The following OXR1 variants were observed in gnomAD, a reference collection of about 807,000 sequenced individuals.
OXR1 encodes oxidation resistance 1.
A neutral mutation model predicts 104.6 loss-of-function variants in OXR1; 41 were observed. The ratio of observed to expected loss-of-function variants is 0.39; its 90% confidence interval spans 0.31 to 0.51. The LOEUF is 0.51. Among genes scored for constraint, OXR1 ranks in the 20% least tolerant of loss-of-function variants. OXR1 has a pLI of 0.77. For missense variants in OXR1, 955 were observed against 1,031.9 expected, an observed-to-expected ratio of 0.93 and a Z score of 1.02; for synonymous variants, 348 against 348.4, an observed-to-expected ratio of 1.00 and a Z score of 0.01.
chr8:106,613,881 C>T (rs935405679), intron 3 of OXR1, among the ~76,000 whole-genome samples: 1 of 152,128 alleles, frequency 6.6e-6, no homozygotes, highest in Non-Finnish European at 1.5e-5. Flanking sequence ...GCAGCCATCC[C>T]CTGGAAAGCC....
In OXR1 at chr8:106,425,896, C is replaced by T. The variant is rs1049401931; in HGVS notation, c.23+66260C>T. On this transcript the variant is annotated intron_variant, in intron 2 of 16. Transcript: ENST00000517566. ...TTAGGAGGCTAGGGAAGGTTGTCTC[C>T]GATGAGAGAGGAAAGAGCAAGTGCA... 1.7e-4 allele frequency among the ~76,000 whole-genome samples: 26 copies of T among 152,074 alleles called. 1 individual carries two copies. Among genetic ancestry groups the T allele is most frequent in the African/African-American group, 4.8e-4 (20 of 41,476 alleles).
intron 3 of OXR1, among the ~76,000 whole-genome samples, chr8:106,635,114 G>A (rs989386587): frequency 6.6e-6 from 1 of 152,174 alleles, no homozygotes; most frequent in Non-Finnish European, 1.5e-5. Context: ...AGGAGATTTG[G>A]TCATTGACTT....
intron 1 of OXR1, among the ~76,000 whole-genome samples, chr8:106,331,250 T>C (rs1283996418): frequency 2.0e-5 from 3 of 152,208 alleles, no homozygotes; most frequent in African/African-American, 7.2e-5. Context: ...TGTATTCTAA[T>C]TGTCTAATAT....
intron 1 of OXR1, among the ~76,000 whole-genome samples, chr8:106,347,203 G>T (rs1338980947): frequency 6.6e-6 from 1 of 152,192 alleles, no homozygotes; most frequent in East Asian, 1.9e-4. Context: ...TTTTTATCAC[G>T]TTGTATATTT....
At chr8:106,734,673 G>C (rs1023515961) in intron 11 of OXR1, among the ~76,000 whole-genome samples, 1 of 152,106 alleles carries the variant, frequency 6.6e-6, no homozygotes, top group African/African-American at 2.4e-5. Flanking sequence ...CTCTGTTTTT[G>C]TTAGTCCATT....
chr8:106,532,686 G>C (rs1814182262), intron 3 of OXR1, among the ~76,000 whole-genome samples: 1 of 152,150 alleles, frequency 6.6e-6, no homozygotes, highest in African/African-American at 2.4e-5. Context: ...AAATAAGTAA[G>C]AGGAAGATTT....
chr8:106,468,141 A>C (rs944116681), intron 2 of OXR1, among the ~76,000 whole-genome samples: 4 of 151,786 alleles, frequency 2.6e-5, no homozygotes, highest in African/African-American at 9.7e-5. Context: ...TGTTTGTCCA[A>C]CACCAGCCCC....
At chr8:106,462,795 A>C (rs180713549) in intron 2 of OXR1, among the ~76,000 whole-genome samples, 8 of 151,938 alleles carry the variant, frequency 5.3e-5, no homozygotes, top group Admixed American at 3.3e-4. Flanking sequence ...ATTTTTTCTC[A>C]TGTGTTCAAG....
At chr8:106,492,733 C>A (rs1811175901) in intron 2 of OXR1, among the ~76,000 whole-genome samples, 1 of 152,112 alleles carries the variant, frequency 6.6e-6, no homozygotes, top group Non-Finnish European at 1.5e-5. Context: ...CTGATTAGGT[C>A]TTTGGGATAA....
intron 2 of OXR1, among the ~76,000 whole-genome samples, chr8:106,360,590 G>A (rs1025679361): frequency 6.6e-6 from 1 of 151,662 alleles, no homozygotes; most frequent in African/African-American, 2.4e-5. Context: ...GGACTCCCTA[G>A]AAGATATCCT....
At chr8:106,440,108 C>G (rs1487517534) in intron 2 of OXR1, among the ~76,000 whole-genome samples, 1 of 151,992 alleles carries the variant, frequency 6.6e-6, no homozygotes, top group Non-Finnish European at 1.5e-5. Flanking sequence ...GAGTGGTGCT[C>G]CTCAGCGGTG....
chr8:106,334,583 C>T (rs1033295896), intron 1 of OXR1, among the ~76,000 whole-genome samples: 4 of 152,118 alleles, frequency 2.6e-5, no homozygotes, highest in Non-Finnish European at 5.9e-5. Flanking sequence ...AAATTAAGTT[C>T]ACTTAACTTG....
intron 2 of OXR1, among the ~76,000 whole-genome samples, chr8:106,447,644 T>C (rs1167256586): frequency 6.6e-6 from 1 of 152,226 alleles, no homozygotes; most frequent in Non-Finnish European, 1.5e-5. Flanking sequence ...CTTGTGTTCC[T>C]TGGTTAAAAG....
At chr8:106,332,606 A>G (rs1242032930) in intron 1 of OXR1, among the ~76,000 whole-genome samples, 1 of 152,192 alleles carries the variant, frequency 6.6e-6, no homozygotes, top group African/African-American at 2.4e-5. Context: ...AATTTGAAAT[A>G]TAATATACAT....
intron 1 of OXR1, among the ~76,000 whole-genome samples, chr8:106,327,133 A>G (rs1193171276): frequency 6.6e-6 from 1 of 152,076 alleles, no homozygotes; most frequent in African/African-American, 2.4e-5. Flanking sequence ...TTAATATGCT[A>G]TATTCAGTTT....
intron 3 of OXR1, among the ~76,000 whole-genome samples, chr8:106,631,582 A>G (rs1822689824): frequency 6.6e-6 from 1 of 152,208 alleles, no homozygotes; most frequent in African/African-American, 2.4e-5. Context: ...GAATTGTTAA[A>G]GGTAAAATAT....
chr8:106,462,568 C>T (rs1820968539), intron 2 of OXR1, among the ~76,000 whole-genome samples: 1 of 152,112 alleles, frequency 6.6e-6, no homozygotes, highest in Non-Finnish European at 1.5e-5. Flanking sequence ...GAAACATTAT[C>T]ATGGTGAAAA....
At chr8:106,650,795 G>A (rs1402129758) in intron 3 of OXR1, among the ~76,000 whole-genome samples, 1 of 152,136 alleles carries the variant, frequency 6.6e-6, no homozygotes, top group East Asian at 1.9e-4. Context: ...AAAAATTGAA[G>A]CATACGACAT....
chr8:106,537,298 C>T (rs143723381), intron 3 of OXR1, among the ~76,000 whole-genome samples: 1 of 152,226 alleles, frequency 6.6e-6, no homozygotes, highest in African/African-American at 2.4e-5. Context: ...TAAGACAAGG[C>T]CCCTTTCTTT....
Sources: allele counts gnomAD v4.1 joint callset (sites outside exome capture counted in the v4.1 genomes callset), GRCh38; gene constraint gnomAD v4.1.1; transcripts MANE v1.5; gene names NCBI Gene and HGNC (gene_info 2026-07-23, HGNC 2026-07-21).